Variants in SLC36A1 observed in about 807,000 individuals in gnomAD.
SLC36A1 encodes the protein proton-coupled amino acid transporter 1.
A neutral mutation model predicts 47.5 loss-of-function variants in SLC36A1; 30 were observed. The ratio of observed to expected loss-of-function variants is 0.63; its 90% CI spans 0.47 to 0.86. SLC36A1 has a LOEUF of 0.86. Among genes scored for constraint, SLC36A1 ranks in the 40% least tolerant of loss-of-function variants. SLC36A1 has a pLI of 0.00. For missense variants in SLC36A1, 517 were observed against 606.0 expected (o/e 0.85, Z 1.54); for synonymous variants, 255 against 249.7 (o/e 1.02, Z -0.20).
At chr5:151,537,346 AAGAAAAAAG>A in the SLC36A1 span, among the ~76,000 whole-genome samples, 2 of 88,168 alleles carry the variant, frequency 2.3e-5, no homozygotes, top group African/African-American at 5.5e-5. Context: ...AAGAAAAGAA[AAGAAAAAAG>A]AAGGAAGGAA....
Position 151,479,373 on chromosome 5 carries a change from C to G in SLC36A1, c.1043C>G (p.Ala348Gly). The change falls in exon 10 of 11, where the codon GCA becomes GGA. Residue 348 changes from alanine (A) to glycine (G), a missense_variant. Physicochemically the swap from Ala to Gly is moderately conservative, Grantham distance 60. Coordinates refer to ENST00000243389, the MANE Select transcript of SLC36A1 (RefSeq NM_078483.4). ...TCCATCGGGATCTTTTTCACCTACG[C>G]ACTCCAGTTCTACGTCCCGGCTGAG... The part of the protein sequence containing the change: ...LYSIGIFFTY[A>G]LQFYVPAEII... 2.5e-6 allele frequency: 4 copies of G among 1,614,226 alleles called. No individual in the cohort carries two copies. Among genetic ancestry groups the G allele is most frequent in the Non-Finnish European group, 3.4e-6 (4 of 1,180,028 alleles).
chr5:151,380,282 C>G, the SLC36A1 span: 1 of 253,804 alleles, frequency 3.9e-6, no homozygotes, highest in East Asian at 8.9e-5. Flanking sequence ...GTCCGGAGTT[C>G]GAGACCAGCT....
chr5:151,549,710 T>C, the SLC36A1 span, among the ~76,000 whole-genome samples: 1 of 152,180 alleles, frequency 6.6e-6, no homozygotes, highest in African/African-American at 2.4e-5. Flanking sequence ...TAGGCTCAGC[T>C]GTTTTAATGG....
chr5:151,521,561 C>T, the SLC36A1 span: 21 of 1,614,124 alleles, frequency 1.3e-5, no homozygotes, highest in East Asian at 4.0e-4. Flanking sequence ...TCCACACCAG[C>T]CACGGCCTCT....
At chr5:151,393,889 GTTCT>G in the SLC36A1 span, among the ~76,000 whole-genome samples, 1 of 152,114 alleles carries the variant, frequency 6.6e-6, no homozygotes, top group African/African-American at 2.4e-5. Context: ...TCTTGGAGTT[GTTCT>G]TCTCGAGGAG....
the SLC36A1 span, among the ~76,000 whole-genome samples, chr5:151,345,408 C>T: frequency 6.6e-6 from 1 of 152,186 alleles, no homozygotes; most frequent in Admixed American, 6.5e-5. Flanking sequence ...CTGTAAATGT[C>T]AGGAGTGATG....
chr5:151,531,760 T>C, the SLC36A1 span: 1 of 1,600,802 alleles, frequency 6.2e-7, no homozygotes, highest in Non-Finnish European at 8.5e-7. The surrounding 1 kb of genome is among the most constrained non-coding windows in gnomAD (Gnocchi z 5.7). Context: ...GGGCAGGTAG[T>C]CTTCTAGGCC....
chr5:151,513,473 C>A, the SLC36A1 span, among the ~76,000 whole-genome samples: 1 of 152,120 alleles, frequency 6.6e-6, no homozygotes, highest in African/African-American at 2.4e-5. Context: ...GGCCATTATC[C>A]TAAGCAAACT....
chr5:151,507,480 A>G, the SLC36A1 span: 2 of 1,614,036 alleles, frequency 1.2e-6, no homozygotes, highest in African/African-American at 1.3e-5. Flanking sequence ...GAGAAGCCCG[A>G]CAGTGCTTAT....
At chr5:151,473,213 G>C (rs926154862) in intron 7 of SLC36A1, among the ~76,000 whole-genome samples, 1 of 150,920 alleles carries the variant, frequency 6.6e-6, no homozygotes, top group Non-Finnish European at 1.5e-5. Flanking sequence ...TAGATAGATA[G>C]ATAGATAGAT....
intron 1 of SLC36A1, among the ~76,000 whole-genome samples, chr5:151,437,378 T>C (rs958621740): frequency 6.6e-6 from 1 of 152,218 alleles, no homozygotes; most frequent in Non-Finnish European, 1.5e-5. Context: ...AAAGAATTTA[T>C]AATGAAAAGC....
At chr5:151,432,413 T>A (rs371952772), upstream of SLC36A1, among the ~76,000 whole-genome samples, 75 of 152,176 alleles carry the variant, frequency 4.9e-4, 1 homozygote, top group East Asian at 0.013. Context: ...CCCCGTGAGG[T>A]CACTGCTGTT....
chr5:151,464,553 G>A lies in SLC36A1; in HGVS notation c.274G>A (p.Val92Met), dbSNP rs751679172. The A allele has an allele frequency of 1.1e-5, 17 of 1,613,904 alleles. No homozygotes were observed. The highest frequency in any genetic ancestry group is 8.0e-5 in the African/African-American group (6 of 74,910). ...ISLLIIGIVA[V>M]HCMGILVKCA... ...CCTGCTGATCATAGGCATCGTGGCC[G>A]TGCACTGCATGGGTATCCTGGTGAA... The change falls in exon 4 of 11, where the codon GTG becomes ATG. Residue 92 changes from valine (V) to methionine (M), a missense_variant. Coordinates refer to ENST00000243389, the MANE Select transcript of SLC36A1 (RefSeq NM_078483.4).
the SLC36A1 span, among the ~76,000 whole-genome samples, chr5:151,411,151 C>T: frequency 1.1e-4 from 16 of 144,814 alleles, 2 homozygotes; most frequent in African/African-American, 3.8e-4. Flanking sequence ...AAAGCTAGGA[C>T]TCATATTCAC....
At chr5:151,442,836 C>T (rs945463051), upstream of SLC36A1, among the ~76,000 whole-genome samples, 3 of 151,918 alleles carry the variant, frequency 2.0e-5, no homozygotes, top group African/African-American at 7.3e-5. Flanking sequence ...CTGTTTGATT[C>T]TCTATCTCTG....
chr5:151,498,999 C>T, the SLC36A1 span, among the ~76,000 whole-genome samples: 1 of 152,222 alleles, frequency 6.6e-6, no homozygotes, highest in Non-Finnish European at 1.5e-5. Context: ...ATGAAATCTA[C>T]TCCCACTCTG....
chr5:151,538,041 AAG>A, the SLC36A1 span: 2 of 1,106,330 alleles, frequency 1.8e-6, no homozygotes, highest in African/African-American at 3.1e-5. Flanking sequence ...CAGAAGCAGA[AAG>A]AGAGACACTA....
chr5:151,456,751 C>T (rs767073427), intron 1 of SLC36A1, among the ~76,000 whole-genome samples: 1 of 152,168 alleles, frequency 6.6e-6, no homozygotes, highest in East Asian at 1.9e-4. Flanking sequence ...TGTGAGATAG[C>T]TTGGGGGTCC....
the SLC36A1 span, among the ~76,000 whole-genome samples, chr5:151,516,353 C>T: frequency 8.4e-4 from 128 of 151,884 alleles, no homozygotes; most frequent in South Asian, 3.8e-3. Flanking sequence ...CTGCTAAAGA[C>T]GCAAAAGAAA....
Sources: allele counts gnomAD v4.1 joint callset (sites outside exome capture counted in the v4.1 genomes callset), GRCh38; gene constraint gnomAD v4.1.1; non-coding constraint Gnocchi (gnomAD v3.1); transcripts MANE v1.5; gene names NCBI Gene and HGNC (gene_info 2026-07-23, HGNC 2026-07-21).